The following HMGXB3 variants were observed in gnomAD, a reference collection of about 807,000 sequenced individuals.
The protein encoded by HMGXB3 is HMG-box containing 3.
In HMGXB3, 45 loss-of-function variants were observed where a neutral mutation model predicts 121.5. The ratio of observed to expected loss-of-function variants is 0.37; its 90% CI spans 0.29 to 0.47. The LOEUF (loss-of-function observed/expected upper bound fraction) is 0.47, where lower values mean the gene tolerates loss of function less well. Among genes scored for constraint, HMGXB3 ranks in the 20% least tolerant of loss-of-function variants. The probability of loss-of-function intolerance (pLI) is 0.99; values close to 1 mark genes in which losing one functional copy is unlikely to be tolerated. For missense variants in HMGXB3, 1,376 were observed against 1,602.2 expected, an observed-to-expected ratio of 0.86 and a Z score of 2.41; for synonymous variants, 590 against 624.1, an observed-to-expected ratio of 0.95 and a Z score of 0.81.
chr5:150,023,436 C>G (rs1393426125), intron 6 of HMGXB3, among the ~76,000 whole-genome samples: 2 of 152,150 alleles, frequency 1.3e-5, no homozygotes, highest in Non-Finnish European at 2.9e-5. Flanking sequence ...CTTGATAGAA[C>G]CCAGCCTTTA....
rs375837411 is a variant in HMGXB3 at position 150,039,367 on chromosome 5, T to G, written c.2414-1381T>G. On this transcript the variant is annotated intron_variant, in intron 13 of 19. Transcript: ENST00000502717. The stretch of plus-strand genomic sequence containing the variant: ...TTTGGTAGACTTACATATAAGTATT[T>G]TACTTTTTTTTTTCAGTGCTAAATG... Among the ~76,000 whole-genome samples, 6 of 152,330 alleles carry G rather than the reference T, an allele frequency of 3.9e-5. No individual in the cohort carries two copies. In the East Asian group the frequency reaches 9.6e-4, roughly 24 times the overall value.
rs753841260 is a variant in HMGXB3, at chr5:150,036,828, G to C, written c.2176G>C (p.Val726Leu). The C allele has an allele frequency of 6.4e-7, 1 of 1,551,690 alleles. No homozygotes were observed. Among genetic ancestry groups the C allele is most frequent in the Non-Finnish European group, 8.7e-7 (1 of 1,146,980 alleles). The change falls in exon 12 of 20, where the codon GTG becomes CTG. Residue 726 changes from valine to leucine, a missense_variant. Physicochemically the swap from Val to Leu is conservative, Grantham distance 32. Coordinates refer to ENST00000502717, the MANE Select transcript of HMGXB3 (RefSeq NM_014983.3). ...LNSSRLILSNVSEETVTIEQT... is the reference protein window; with the variant it reads ...LNSSRLILSNLSEETVTIEQT... ...CAGCTCTCGACTTATCTTGTCCAAC[G>C]TGAGTGAGGAGACAGTCACCATCGA...
In HMGXB3 at chr5:150,052,291, T is replaced by G. The variant is rs1485183285; in HGVS notation, c.*99T>G. On this transcript the variant is annotated 3_prime_UTR_variant, in exon 20 of 20. Transcript: ENST00000502717. ...GGGGACCTGCAGAAGTGGTCTCCTG[T>G]GGGGAGGGCCTCTGACTGCTGGGAC... is the stretch of plus-strand genomic sequence containing the variant. 2 of 953,690 alleles carry G rather than the reference T, an allele frequency of 2.1e-6. No homozygotes were observed. The highest frequency in any genetic ancestry group is 3.3e-5 in the African/African-American group (2 of 60,908). 59.1% of individuals were successfully genotyped at this position (953,690 alleles called of 1,614,324 possible). A position where few individuals can be genotyped will look rare whatever the true frequency, so the allele number is the denominator to read the frequency against.
intron 10 of HMGXB3, among the ~76,000 whole-genome samples, chr5:150,032,120 T>G (rs1756395120): frequency 6.6e-6 from 1 of 152,184 alleles, no homozygotes; most frequent in African/African-American, 2.4e-5. Flanking sequence ...ACTCTTTAGT[T>G]CACCAGTCTC....
At chr5:150,029,318 A>G (rs943944794) in intron 9 of HMGXB3, among the ~76,000 whole-genome samples, 1 of 148,534 alleles carries the variant, frequency 6.7e-6, no homozygotes, top group African/African-American at 2.6e-5. Flanking sequence ...ATGTAGCTAG[A>G]ATAGTTATCA....
chr5:150,040,742 C>A lies in HMGXB3; in HGVS notation c.2414-6C>A. On this transcript the variant is annotated splice_polypyrimidine_tract_variant and splice_region_variant and intron_variant, in intron 13 of 19. Coordinates refer to ENST00000502717, the MANE Select transcript of HMGXB3 (RefSeq NM_014983.3). ...AATTTCCTTGTTGCCTCTTCTTAAC[C>A]TGCAGGTCTCTTTAATGTGGGGAAC... The A allele has an allele frequency of 3.2e-6, 5 of 1,549,698 alleles. No homozygotes were observed. Among genetic ancestry groups the A allele is most frequent in the Non-Finnish European group, 4.4e-6 (5 of 1,146,436 alleles).
rs1756279836 is a variant in HMGXB3 at position 150,028,302 on chromosome 5, AT to A, written c.1734+1186del. On this transcript the variant is annotated intron_variant, in intron 9 of 19. Coordinates refer to ENST00000502717, the MANE Select transcript of HMGXB3 (RefSeq NM_014983.3). ...CTCAGTGAGCAGAGGGTGACTTTGAATAGAATGGGAGGCAGGTTGGCCCTAA... is the reference window on the plus strand; with the variant it reads ...CTCAGTGAGCAGAGGGTGACTTTGAAAGAATGGGAGGCAGGTTGGCCCTAA... 2.6e-5 allele frequency among the ~76,000 whole-genome samples: 4 copies of A among 151,830 alleles called. No homozygotes were observed. The South Asian group carries it at 8.3e-4, about 32-fold the overall frequency.
At chr5:150,046,847 A>G (rs920239706) in intron 16 of HMGXB3, among the ~76,000 whole-genome samples, 1 of 151,586 alleles carries the variant, frequency 6.6e-6, no homozygotes, top group Non-Finnish European at 1.5e-5. Context: ...AAAGATACTG[A>G]GGTCCACCTC....
intron 3 of HMGXB3, among the ~76,000 whole-genome samples, chr5:150,008,097 AC>A (rs1755750436): frequency 1.3e-5 from 2 of 149,936 alleles, no homozygotes; most frequent in African/African-American, 2.4e-5. Context: ...ACACACACAC[AC>A]AAATCAGCAA....
Position 150,010,311 on chromosome 5 carries a change from A to G in HMGXB3, c.513A>G (p.Thr171=). 7 of 1,551,798 alleles carry G rather than the reference A, an allele frequency of 4.5e-6. No individual in the cohort carries two copies. The highest frequency in any genetic ancestry group is 5.2e-6 in the Non-Finnish European group (6 of 1,147,012). Residue 171 remains threonine, a synonymous_variant, in exon 4 of 20, where the codon ACA becomes ACG. Coordinates refer to ENST00000502717, the MANE Select transcript of HMGXB3 (RefSeq NM_014983.3). ...PPLVSNTAPE[T]VPSHAGMAEQ... is the part of the protein sequence containing the mutation. Reference sequence around the variant, plus strand: ...TTGTGTCCAACACTGCCCCGGAGACAGTGCCCAGCCATGCAGGCATGGCAG... The same window carrying G: ...TTGTGTCCAACACTGCCCCGGAGACGGTGCCCAGCCATGCAGGCATGGCAG...
In HMGXB3 at chr5:150,047,615, C is replaced by G; in HGVS notation, c.2951-9C>G. On this transcript the variant is annotated splice_polypyrimidine_tract_variant and intron_variant, in intron 16 of 19. Coordinates refer to ENST00000502717, the MANE Select transcript of HMGXB3 (RefSeq NM_014983.3). ...AGCACCCTCCCACCAGCACTGTTGT[C>G]TCTTGCAGGCAGTGGCAGTGCCTTG... is the stretch of plus-strand genomic sequence containing the variant. 1.3e-6 allele frequency: 2 copies of G among 1,551,606 alleles called. No individual in the cohort carries two copies. The highest frequency in any genetic ancestry group is 1.7e-6 in the Non-Finnish European group (2 of 1,146,928).
intron 11 of HMGXB3, among the ~76,000 whole-genome samples, chr5:150,033,859 C>T (rs1299654851): frequency 1.3e-5 from 2 of 151,956 alleles, no homozygotes; most frequent in Non-Finnish European, 2.9e-5. Context: ...TGTTTCCGTG[C>T]TTGAGGTGAT....
intron 3 of HMGXB3, among the ~76,000 whole-genome samples, chr5:150,007,284 C>A (rs922138531): frequency 1.3e-5 from 2 of 152,172 alleles, no homozygotes; most frequent in Admixed American, 1.3e-4. Flanking sequence ...TTCACAGTAA[C>A]AAAATACACT....
At chr5:150,014,451 T>C (rs1359657690) in intron 5 of HMGXB3, among the ~76,000 whole-genome samples, 1 of 152,270 alleles carries the variant, frequency 6.6e-6, no homozygotes, top group Non-Finnish European at 1.5e-5. Flanking sequence ...AAAAATACTT[T>C]TAAACGATAC....
chr5:150,019,179 A>G (rs1490285562), intron 6 of HMGXB3, among the ~76,000 whole-genome samples: 2 of 152,014 alleles, frequency 1.3e-5, no homozygotes, highest in South Asian at 2.1e-4. Context: ...AATTTAACAT[A>G]TCATGCCTTT....
Position 150,010,489 on chromosome 5 carries a change from C to G in HMGXB3, c.691C>G (p.Gln231Glu). Residue 231 changes from glutamine (Q) to glutamate (E), a missense_variant, in exon 4 of 20, where the codon CAG becomes GAG. Gln to Glu is a conservative substitution (Grantham distance 29). Around this residue, in one of 2 missense-constraint regions of HMGXB3, gnomAD observed 1,116 missense variants for 1,369.0 expected, o/e 0.82. Coordinates refer to ENST00000502717, the MANE Select transcript of HMGXB3 (RefSeq NM_014983.3). ...AGTAGGGGAGAGCCACCAACCTTAC[C>G]AGACAAGCCTGGTAATTGAAGAGAC... ...LEVGESHQPY[Q>E]TSLVIEETLV... 1 of 1,551,626 alleles carries G rather than the reference C, an allele frequency of 6.4e-7. No individual in the cohort carries two copies. Among genetic ancestry groups the G allele is most frequent in the Non-Finnish European group, 8.7e-7 (1 of 1,146,986 alleles).
At chr5:150,015,828 A>G (rs1755947883) in intron 5 of HMGXB3, among the ~76,000 whole-genome samples, 1 of 152,154 alleles carries the variant, frequency 6.6e-6, no homozygotes. Context: ...CTGTGGCCTG[A>G]CCTTTTTGAT....
chr5:150,026,664 T>G (rs779933797), intron 7 of HMGXB3, 42 bp from the exon 8 acceptor site: 53 of 1,523,996 alleles, frequency 3.5e-5, no homozygotes, highest in Non-Finnish European at 4.6e-5. Context: ...TTTTCTTCCC[T>G]TTGTTCCAGA....
intron 11 of HMGXB3, among the ~76,000 whole-genome samples, chr5:150,035,446 G>A (rs73273582): frequency 0.032 from 4,923 of 152,206 alleles, 278 homozygotes; most frequent in African/African-American, 0.11. Context: ...TGCCTCCAAC[G>A]TTGGGGATCA....
Sources: gnomAD v4.1 joint callset for allele counts (sites outside exome capture counted in the v4.1 genomes callset) on GRCh38, gnomAD v4.1.1 for gene constraint, gnomAD v4.1.1 regional missense constraint, MANE v1.5 for transcripts, NCBI Gene and HGNC (gene_info 2026-07-23, HGNC 2026-07-21) for gene names.